The following KLHDC4 variants were observed in gnomAD, a reference collection of about 807,000 sequenced individuals.
The protein encoded by KLHDC4 is kelch domain-containing protein 4.
A neutral mutation model predicts 62.4 loss-of-function variants in KLHDC4; 90 were observed. That is an observed-to-expected ratio of 1.44 (90% CI 1.22 to 1.72). KLHDC4 has a LOEUF of 1.72. KLHDC4 is among the 40% of genes most tolerant of loss of function. The pLI is 0.00. For synonymous variants in KLHDC4, 386 were observed against 284.4 expected, an observed-to-expected ratio of 1.36 and a Z score of -3.59; for missense variants, 1,025 against 699.7, an observed-to-expected ratio of 1.47 and a Z score of -5.25.
intron 5 of KLHDC4, among the ~76,000 whole-genome samples, chr16:87,736,468 C>T (rs1051552959): frequency 6.6e-6 from 1 of 152,190 alleles, no homozygotes; most frequent in African/African-American, 2.4e-5. Context: ...CATCCTCAGA[C>T]TAGAGAGCCC....
chr16:87,720,535 C>CGGAGACGCCGCGCCCCTGG (rs767225009), intron 7 of KLHDC4, among the ~76,000 whole-genome samples: 1 of 116,682 alleles, frequency 8.6e-6, no homozygotes, highest in East Asian at 2.1e-4. Flanking sequence ...TGAGCCCCTG[C>CGGAGACGCCGCGCCCCTGG]GGAGACGCCG....
intron 10 of KLHDC4, among the ~76,000 whole-genome samples, chr16:87,708,882 G>T (rs749048379): frequency 2.6e-5 from 4 of 152,270 alleles, no homozygotes; most frequent in Non-Finnish European, 5.9e-5. Flanking sequence ...GGGTAAAGGG[G>T]ACGTGTGACT....
chr16:87,708,320 C>T (rs767112496), intron 11 of KLHDC4, 30 bp downstream of exon 11: 2 of 1,427,564 alleles, frequency 1.4e-6, no homozygotes, highest in East Asian at 2.3e-5. Flanking sequence ...ACCCAGCAGC[C>T]GCGCCACCCG....
At chr16:87,728,369 A>T (rs930135105) in intron 6 of KLHDC4, among the ~76,000 whole-genome samples, 1 of 152,232 alleles carries the variant, frequency 6.6e-6, no homozygotes, top group African/African-American at 2.4e-5. Context: ...GCAGATTTTT[A>T]GTACAAAGAT....
chr16:87,744,979 GCA>G (rs1173340382), intron 5 of KLHDC4, among the ~76,000 whole-genome samples: 4 of 87,786 alleles, frequency 4.6e-5, no homozygotes, highest in Admixed American at 4.1e-4. Flanking sequence ...GCAATCATCT[GCA>G]CACACGCGGT....
At chr16:87,705,546 C>T (rs1222587372), downstream of KLHDC4, among the ~76,000 whole-genome samples, 2 of 152,270 alleles carry the variant, frequency 1.3e-5, no homozygotes, top group African/African-American at 4.8e-5. Context: ...AAGTTTCTTC[C>T]TCAGGGCTGC....
At chr16:87,727,975 G>A (rs566475167) in intron 6 of KLHDC4, among the ~76,000 whole-genome samples, 6 of 152,196 alleles carry the variant, frequency 3.9e-5, no homozygotes, top group East Asian at 1.9e-4. Flanking sequence ...CACTTGAGGC[G>A]AGGAGTTCAA....
chr16:87,714,577 C>A lies in KLHDC4; in HGVS notation c.760-4G>T, dbSNP rs1274978524. ...TGTCCACGTCTTTCTTAACTCTCTG[C>A]AATGGAAAGGAATTGTGTGAGAACC... is the stretch of plus-strand genomic sequence containing the variant. On this transcript the variant is annotated splice_region_variant and splice_polypyrimidine_tract_variant and intron_variant, in intron 7 of 11. Transcript: ENST00000270583. 2 of 1,614,106 alleles carry A rather than the reference C, an allele frequency of 1.2e-6. No individual in the cohort carries two copies. The highest frequency in any genetic ancestry group is 2.2e-5 in the South Asian group (2 of 91,092).
chr16:87,734,464 C>G (rs2040926634), intron 5 of KLHDC4, among the ~76,000 whole-genome samples: 1 of 152,182 alleles, frequency 6.6e-6, no homozygotes, highest in Non-Finnish European at 1.5e-5. Flanking sequence ...GGGTGACTGC[C>G]AGGAGTCTTC....
At chr16:87,709,905 T>C (rs2035443734) in intron 9 of KLHDC4, 2 of 557,426 alleles carry the variant, frequency 3.6e-6, no homozygotes, top group Non-Finnish European at 6.3e-6. Flanking sequence ...AACCCCCCAC[T>C]GCGTGTCCTC....
intron 5 of KLHDC4, among the ~76,000 whole-genome samples, chr16:87,735,847 C>T (rs531501918): frequency 5.3e-5 from 8 of 152,202 alleles, no homozygotes; most frequent in Non-Finnish European, 1.0e-4. Flanking sequence ...GAGCTCCAAG[C>T]AGGGCAAGCT....
At chr16:87,707,293 G>C (rs904489465), downstream of KLHDC4, among the ~76,000 whole-genome samples, 2 of 152,208 alleles carry the variant, frequency 1.3e-5, no homozygotes, top group Non-Finnish European at 2.9e-5. Context: ...GGGACGTTGG[G>C]AGCCCTCGCC....
At chr16:87,744,553 A>C (rs1239106554) in intron 5 of KLHDC4, among the ~76,000 whole-genome samples, 6 of 151,836 alleles carry the variant, frequency 4.0e-5, no homozygotes, top group African/African-American at 1.4e-4. Context: ...ACTGCACTCC[A>C]GCCTGGGCAA....
rs1352018860 is a variant in KLHDC4, at chr16:87,748,756, A to G, written c.423T>C (p.Phe141=). The G allele has an allele frequency of 1.2e-6, 2 of 1,613,182 alleles. No individual in the cohort carries two copies. The highest frequency in any genetic ancestry group is 2.2e-5 in the East Asian group (1 of 44,848). ...AGAACTGCTCTCCGTTGGGAGAGGC[A>G]AACTCCCCTCCAAAGACCCACAGCT... is the stretch of plus-strand genomic sequence containing the variant. ...GGQLWVFGGE[F]ASPNGEQFYH... is the part of the protein sequence containing the mutation. The change falls in exon 5 of 12, where the codon TTT becomes TTC. Residue 141 remains phenylalanine, a synonymous_variant. Coordinates refer to ENST00000270583, the MANE Select transcript of KLHDC4 (RefSeq NM_017566.4).
chr16:87,709,366 C>A lies in KLHDC4; in HGVS notation c.1346G>T (p.Gly449Val), dbSNP rs2035310715. The A allele has an allele frequency of 3.1e-6, 5 of 1,613,436 alleles. No homozygotes were observed. Among genetic ancestry groups the A allele is most frequent in the Non-Finnish European group, 4.2e-6 (5 of 1,179,942 alleles). Residue 449 changes from glycine (G) to valine (V), a missense_variant, in exon 10 of 12, where the codon GGC becomes GTC. Physicochemically the swap from Gly to Val is moderately radical, Grantham distance 109. Coordinates refer to ENST00000270583, the MANE Select transcript of KLHDC4 (RefSeq NM_017566.4). ...CTGGCGGTCGCCGGCCTCAAACATGCCCCCATAGACGTAGAGCACCCCATG... is the reference window on the plus strand; with the variant it reads ...CTGGCGGTCGCCGGCCTCAAACATGACCCCATAGACGTAGAGCACCCCATG... ...VKHGVLYVYG[G>V]MFEAGDRQVT...
intron 5 of KLHDC4, chr16:87,739,875 G>T (rs1200851393): frequency 2.0e-5 from 3 of 152,290 alleles, no homozygotes; most frequent in African/African-American, 7.2e-5. Context: ...CTTTCTGGGG[G>T]ATGAAAATGC....
chr16:87,711,887 G>A (rs2035932210), intron 8 of KLHDC4, among the ~76,000 whole-genome samples: 1 of 135,960 alleles, frequency 7.4e-6, no homozygotes, highest in African/African-American at 3.7e-5. Context: ...ACCCTGCACG[G>A]GGAACCTTCA....
chr16:87,716,129 G>C (rs990538917), intron 7 of KLHDC4, among the ~76,000 whole-genome samples: 24 of 150,078 alleles, frequency 1.6e-4, no homozygotes, highest in African/African-American at 5.6e-4. Flanking sequence ...CTATGGTCTT[G>C]TGGATATTTA....
intron 5 of KLHDC4, among the ~76,000 whole-genome samples, chr16:87,738,221 T>G (rs2041672333): frequency 1.3e-5 from 2 of 152,150 alleles, no homozygotes; most frequent in South Asian, 4.1e-4. Context: ...AATCGTAAAG[T>G]AACGGAATCA....
Sources: gnomAD v4.1 joint callset for allele counts (sites outside exome capture counted in the v4.1 genomes callset) on GRCh38, gnomAD v4.1.1 for gene constraint, MANE v1.5 for transcripts, NCBI Gene and HGNC (gene_info 2026-07-23, HGNC 2026-07-21) for gene names.